Variants in FTO observed in about 807,000 individuals in gnomAD.
FTO encodes alpha-ketoglutarate-dependent dioxygenase FTO.
FTO carries 47 observed loss-of-function variants against 63.9 expected under a neutral mutation model. That is an observed-to-expected ratio of 0.74 (90% CI 0.58 to 0.94). The LOEUF is 0.94. Among genes scored for constraint, FTO ranks in the 40% least tolerant of loss-of-function variants. FTO has a pLI of 0.00. For synonymous variants in FTO, 207 were observed against 224.4 expected, an observed-to-expected ratio of 0.92 and a Z score of 0.69; for missense variants, 562 against 618.1, an observed-to-expected ratio of 0.91 and a Z score of 0.96.
chr16:53,772,564 C>A (rs2077363947), intron 1 of FTO, among the ~76,000 whole-genome samples: 1 of 152,104 alleles, frequency 6.6e-6, no homozygotes, highest in Admixed American at 6.6e-5. Context: ...CTCCATGAGG[C>A]AGTAACTAGG....
intron 8 of FTO, among the ~76,000 whole-genome samples, chr16:53,936,831 A>G (rs1340396862): frequency 6.6e-6 from 1 of 152,242 alleles, no homozygotes; most frequent in Non-Finnish European, 1.5e-5. Flanking sequence ...TACAACTTCA[A>G]GAAATTTAGG....
At chr16:53,888,760 A>G in intron 6 of FTO, 72 bp from the exon 7 acceptor site, 1 of 1,532,788 alleles carries the variant, frequency 6.5e-7, no homozygotes, top group Non-Finnish European at 9.0e-7. Context: ...GAGAATTAAG[A>G]GACGAAGTCA....
intron 8 of FTO, among the ~76,000 whole-genome samples, chr16:54,000,300 G>A (rs1406682806): frequency 6.6e-6 from 1 of 152,182 alleles, no homozygotes; most frequent in African/African-American, 2.4e-5. Context: ...AGGCACAGAA[G>A]TCATACTCAC....
intron 4 of FTO, among the ~76,000 whole-genome samples, chr16:53,849,986 A>C (rs1415128875): frequency 6.6e-6 from 1 of 152,244 alleles, no homozygotes; most frequent in Admixed American, 6.5e-5. Context: ...CTGAATGACC[A>C]GCTAAAGTAA....
chr16:53,715,594 C>A (rs1285175092), intron 1 of FTO, among the ~76,000 whole-genome samples: 4 of 152,110 alleles, frequency 2.6e-5, no homozygotes, highest in Non-Finnish European at 4.4e-5. Context: ...CAGTAGATTG[C>A]TTTTCAGACA....
At chr16:54,003,737 T>C (rs2084127526) in intron 8 of FTO, among the ~76,000 whole-genome samples, 1 of 152,238 alleles carries the variant, frequency 6.6e-6, no homozygotes, top group Non-Finnish European at 1.5e-5. Flanking sequence ...AAGGGCTGTA[T>C]GTCATCTAAA....
intron 7 of FTO, among the ~76,000 whole-genome samples, chr16:53,914,028 C>G (rs1191555795): frequency 6.6e-6 from 1 of 151,596 alleles, no homozygotes; most frequent in Non-Finnish European, 1.5e-5. Flanking sequence ...TGGCCACAGT[C>G]CCTCGGCCTT....
chr16:54,016,645 C>T (rs7190483), intron 8 of FTO, among the ~76,000 whole-genome samples: 22,561 of 152,132 alleles, frequency 0.15, 2,299 homozygotes, highest in African/African-American at 0.28. Context: ...TCCCTTGCCC[C>T]GAAAGTAAGG....
chr16:54,042,231 C>T (rs11648871), intron 8 of FTO, among the ~76,000 whole-genome samples: 25,440 of 144,206 alleles, frequency 0.18, 3,029 homozygotes, highest in Non-Finnish European at 0.26. Flanking sequence ...AGACAGTGGG[C>T]GCAGGCCAGT....
At chr16:53,890,993 ATT>A (rs556391029) in intron 7 of FTO, among the ~76,000 whole-genome samples, 9 of 144,746 alleles carry the variant, frequency 6.2e-5, no homozygotes, top group Middle Eastern at 3.6e-3. Flanking sequence ...GCTCTTATTG[ATT>A]TTTTTTTTTT....
chr16:54,001,287 T>C (rs566461164), intron 8 of FTO, among the ~76,000 whole-genome samples: 1 of 152,320 alleles, frequency 6.6e-6, no homozygotes, highest in East Asian at 1.9e-4. Flanking sequence ...TTCCGTGCCA[T>C]TCTATTCCGT....
chr16:54,107,734 A>G (rs1209345012), intron 8 of FTO, among the ~76,000 whole-genome samples: 1 of 152,202 alleles, frequency 6.6e-6, no homozygotes. Context: ...AGTCTCATGA[A>G]ACTGAAACAT....
intron 1 of FTO, among the ~76,000 whole-genome samples, chr16:53,765,208 A>G (rs149119872): frequency 1.3e-4 from 20 of 152,280 alleles, no homozygotes; most frequent in South Asian, 6.2e-4. Flanking sequence ...GTAACAGACG[A>G]GAGTCCCTCT....
At chr16:53,719,701 G>T (rs1598484133) in intron 1 of FTO, among the ~76,000 whole-genome samples, 2 of 116,262 alleles carry the variant, frequency 1.7e-5, no homozygotes, top group African/African-American at 3.2e-5. Flanking sequence ...TTCTACCTTT[G>T]TTTTTATTGT....
chr16:53,754,113 G>A (rs1379414791), intron 1 of FTO, among the ~76,000 whole-genome samples: 3 of 152,044 alleles, frequency 2.0e-5, no homozygotes, highest in Non-Finnish European at 4.4e-5. Context: ...TACAAATTTT[G>A]TAAATTTAGA....
chr16:54,093,435 CCAGCTCCCTGG>C (rs1420722935), intron 8 of FTO, among the ~76,000 whole-genome samples: 1 of 152,198 alleles, frequency 6.6e-6, no homozygotes. Context: ...GCTGAGAAGC[CCAGCTCCCTGG>C]CAGGCCGGGC....
In FTO at chr16:53,810,190, C is replaced by T. The variant is rs890975683; in HGVS notation, c.96C>T (p.Thr32=). The T allele has an allele frequency of 1.2e-6, 2 of 1,609,752 alleles. No homozygotes were observed. The highest frequency in any genetic ancestry group is 1.3e-5 in the African/African-American group (1 of 74,770). The change falls in exon 2 of 9, where the codon ACC becomes ACT. Residue 32 remains threonine (T), a synonymous_variant. Transcript: ENST00000471389. ...AAGACACTTGGCTCCCTTATCTGACCCCCAAAGATGATGAATTCTATCAGC... is the reference window on the plus strand; with the variant it reads ...AAGACACTTGGCTCCCTTATCTGACTCCCAAAGATGATGAATTCTATCAGC... The part of the protein sequence containing the change: ...ELEDTWLPYL[T]PKDDEFYQQW...
intron 8 of FTO, chr16:54,061,762 T>G (rs1375294512): frequency 6.6e-6 from 1 of 152,172 alleles, no homozygotes; most frequent in Admixed American, 6.5e-5. Flanking sequence ...TTCTAATACT[T>G]AACTGAAGCC....
intron 8 of FTO, among the ~76,000 whole-genome samples, chr16:53,974,039 A>G (rs1458534169): frequency 6.6e-6 from 1 of 152,130 alleles, no homozygotes; most frequent in African/African-American, 2.4e-5. Context: ...ATAAAATCTC[A>G]GGATATGTAG....
Sources: allele counts gnomAD v4.1 joint callset (sites outside exome capture counted in the v4.1 genomes callset), GRCh38; gene constraint gnomAD v4.1.1; transcripts MANE v1.5; gene names NCBI Gene and HGNC (gene_info 2026-07-23, HGNC 2026-07-21).